Variants in LIPF observed in about 807,000 individuals in gnomAD.
The protein encoded by LIPF is lipase F, gastric type.
Under a neutral mutation model 38.0 loss-of-function variants are expected in LIPF, and 25 were observed. That is an observed-to-expected ratio of 0.66 (90% CI 0.48 to 0.92). The LOEUF is 0.92. Among genes scored for constraint, LIPF ranks in the 40% least tolerant of loss-of-function variants. LIPF has a pLI of 0.00. For missense variants in LIPF, 410 were observed against 469.9 expected (o/e 0.87, Z 1.18); for synonymous variants, 161 against 156.2 (o/e 1.03, Z -0.23).
chr10:88,676,819 T>G (rs988682961), intron 9 of LIPF, among the ~76,000 whole-genome samples: 1 of 152,236 alleles, frequency 6.6e-6, no homozygotes. Context: ...TCACACTTGC[T>G]GTAATAAGAA....
At position 88,671,911 on chromosome 10, in the gene LIPF, G is replaced by A. The variant is rs1841603316; in HGVS notation, c.615G>A (p.Lys205=). Residue 205 remains lysine (K), a synonymous_variant, in exon 6 of 10, where the codon AAG becomes AAA. Transcript: ENST00000238983. ...FYALAPVATV[K]YTKSLINKLR... ...CTCTAGCTCCTGTTGCCACTGTGAAGTATACAAAAAGCCTTATAAACAAAC... is the reference window on the plus strand; with the variant it reads ...CTCTAGCTCCTGTTGCCACTGTGAAATATACAAAAAGCCTTATAAACAAAC... The A allele has an allele frequency of 6.2e-7, 1 of 1,613,494 alleles. No homozygotes were observed. Among genetic ancestry groups the A allele is most frequent in the Non-Finnish European group, 8.5e-7 (1 of 1,179,618 alleles).
In LIPF at chr10:88,669,900, A is replaced by G. The variant is rs985737847; in HGVS notation, c.486A>G (p.Gly162=). 3.7e-6 allele frequency: 6 copies of G among 1,613,492 alleles called. No homozygotes were observed. In the African/African-American group the frequency reaches 8.0e-5, roughly 22 times the overall value. The change falls in exon 5 of 10, where the codon GGA becomes GGG. Residue 162 remains glycine, a synonymous_variant. Coordinates refer to ENST00000238983, the MANE Select transcript of LIPF (RefSeq NM_004190.4). ...TCGACTTCATTGTAAAGAAAACTGG[A>G]CAGAAGCAGCTACACTATGTTGGCC... The part of the protein sequence containing the change: ...ATIDFIVKKT[G]QKQLHYVGHS...
Position 88,672,625 on chromosome 10 carries a change from AACACACAC to A in LIPF, c.669+699_669+706del, listed in dbSNP as rs71471111. 6.1e-3 allele frequency among the ~76,000 whole-genome samples: 796 copies of A among 130,926 alleles called. 5 individuals are homozygous for A. The highest frequency in any genetic ancestry group is 0.01 in the African/African-American group (357 of 34,538). The allele number at this position is 130,926 out of a possible 152,430, so 85.9% of individuals were successfully genotyped here. On this transcript the variant is annotated intron_variant, in intron 6 of 9. Transcript: ENST00000238983. Reference sequence around the variant, plus strand: ...CCTAATTCTCTCACCCAGTAAAACCAACACACACACACACACACACACACACACACACA... The same window carrying A: ...CCTAATTCTCTCACCCAGTAAAACCAACACACACACACACACACACACACA...
Position 88,675,668 on chromosome 10 carries a change from C to T in LIPF, c.888+11C>T. ...TTCCATTGGACCCAGGTATTCTTTTCCAAATGCTGTTAAAATGTATTTTGT... is the reference window on the plus strand; with the variant it reads ...TTCCATTGGACCCAGGTATTCTTTTTCAAATGCTGTTAAAATGTATTTTGT... On this transcript the variant is annotated intron_variant, in intron 8 of 9. Coordinates refer to ENST00000238983, the MANE Select transcript of LIPF (RefSeq NM_004190.4). The T allele has an allele frequency of 6.6e-7, 1 of 1,516,092 alleles. No individual in the cohort carries two copies. Among genetic ancestry groups the T allele is most frequent in the Non-Finnish European group, 9.0e-7 (1 of 1,110,646 alleles). The allele number at this position is 1,516,092 out of a possible 1,614,324, so 93.9% of individuals were successfully genotyped here.
At chr10:88,670,095 A>T in intron 5 of LIPF, 149 bp downstream of exon 5, 1 of 633,446 alleles carries the variant, frequency 1.6e-6, no homozygotes, top group East Asian at 2.6e-5. Flanking sequence ...TATAATTCCT[A>T]TTATATGGGA....
chr10:88,676,226 A>G lies in LIPF; in HGVS notation c.906A>G (p.Lys302=). ...FHWTQAVKSG[K]FQAYDWGSPV... The stretch of plus-strand genomic sequence containing the variant: ...TATGTTAGGCTGTTAAGTCTGGGAA[A>G]TTCCAAGCTTATGACTGGGGAAGCC... Residue 302 remains lysine, a synonymous_variant, in exon 9 of 10, where the codon AAA becomes AAG. Coordinates refer to ENST00000238983, the MANE Select transcript of LIPF (RefSeq NM_004190.4). The G allele has an allele frequency of 1.2e-6, 2 of 1,606,858 alleles. No individual in the cohort carries two copies. The highest frequency in any genetic ancestry group is 1.7e-6 in the Non-Finnish European group (2 of 1,174,942).
chr10:88,675,755 G>A, intron 8 of LIPF, 98 bp downstream of exon 8: 3 of 745,168 alleles, frequency 4.0e-6, no homozygotes, highest in South Asian at 2.2e-5. Context: ...GAGTACACCT[G>A]GAAGGTAATT....
chr10:88,667,989 A>T (rs1452093229), intron 3 of LIPF, among the ~76,000 whole-genome samples: 2 of 152,200 alleles, frequency 1.3e-5, no homozygotes, highest in East Asian at 1.9e-4. Flanking sequence ...TGAAGGTTTT[A>T]ATAAAATTAC....
intron 3 of LIPF, among the ~76,000 whole-genome samples, chr10:88,668,163 T>C (rs1464445708): frequency 1.3e-5 from 2 of 152,070 alleles, no homozygotes; most frequent in South Asian, 2.1e-4. Flanking sequence ...TTTTCACTAG[T>C]ACTATTAAAA....
chr10:88,673,652 T>A lies in LIPF; in HGVS notation c.734T>A (p.Val245Glu). The A allele has an allele frequency of 6.2e-7, 1 of 1,612,006 alleles. No homozygotes were observed. Reference protein sequence around the residue: ...NFFDQFLATEVCSREMLNLLC... With the variant: ...NFFDQFLATEECSREMLNLLC... ...TTTGATCAATTTCTTGCTACTGAAG[T>A]GTGCTCCCGTGAGATGCTGAATCTC... The change falls in exon 7 of 10, where the codon GTG (valine) becomes GAG (glutamate). Residue 245 changes from valine (V) to glutamate (E), a missense_variant. Val to Glu is a moderately radical substitution (Grantham distance 121). Transcript: ENST00000238983.
chr10:88,666,166 G>C (rs1841510027), intron 1 of LIPF, among the ~76,000 whole-genome samples: 1 of 152,176 alleles, frequency 6.6e-6, no homozygotes, highest in Non-Finnish European at 1.5e-5. Context: ...CAGGAACTAT[G>C]CTATGTGCTC....
At chr10:88,674,731 T>G (rs1160068486) in intron 7 of LIPF, among the ~76,000 whole-genome samples, 1 of 152,192 alleles carries the variant, frequency 6.6e-6, no homozygotes, top group Non-Finnish European at 1.5e-5. Context: ...TAATAGCATA[T>G]AAGGTTTTCT....
chr10:88,675,676 T>C lies in LIPF; in HGVS notation c.888+19T>C, dbSNP rs1159089843. The C allele has an allele frequency of 2.6e-6, 4 of 1,565,788 alleles. No individual in the cohort carries two copies. Among genetic ancestry groups the C allele is most frequent in the South Asian group, 1.1e-5 (1 of 90,060 alleles). On this transcript the variant is annotated intron_variant, in intron 8 of 9. Coordinates refer to ENST00000238983, the MANE Select transcript of LIPF (RefSeq NM_004190.4). ...GACCCAGGTATTCTTTTCCAAATGC[T>C]GTTAAAATGTATTTTGTGAGTCTCA...
chr10:88,672,955 G>A lies in LIPF; in HGVS notation c.670-633G>A, dbSNP rs534394760. On this transcript the variant is annotated intron_variant, in intron 6 of 9. Transcript: ENST00000238983. ...AGATTTTCTGATAGGCAATGCAGACGTAGATTAAAATTTAGAAAAGCAATA... is the reference window on the plus strand; with the variant it reads ...AGATTTTCTGATAGGCAATGCAGACATAGATTAAAATTTAGAAAAGCAATA... Among the ~76,000 whole-genome samples, 5 of 152,264 alleles carry A rather than the reference G, an allele frequency of 3.3e-5. No homozygotes were observed. The East Asian group carries it at 5.8e-4, about 18-fold the overall frequency.
At chr10:88,665,382 T>C (rs1841495571) in intron 1 of LIPF, 1 of 619,508 alleles carries the variant, frequency 1.6e-6, no homozygotes, top group Non-Finnish European at 3.0e-6. Context: ...GAGAACACTG[T>C]CTTAGCAAGA....
rs1841525861 is a variant in LIPF at position 88,667,313 on chromosome 10, A to T, written c.16A>T (p.Thr6Ser). The change falls in exon 2 of 10, where the codon ACA becomes TCA. Residue 6 changes from threonine (T) to serine (S), a missense_variant. By Grantham distance (58) the Thr-to-Ser change is moderately conservative. Transcript: ENST00000238983. Reference sequence around the variant, plus strand: ...CAGGTCCAAAATGTGGCTGCTTTTAACAATGGCAAGTTTGATATCTGTACT... The same window carrying T: ...CAGGTCCAAAATGTGGCTGCTTTTATCAATGGCAAGTTTGATATCTGTACT... The part of the protein sequence containing the change: MWLLL[T>S]MASLISVLGT... The T allele has an allele frequency of 1.9e-6, 3 of 1,612,070 alleles. No individual in the cohort carries two copies. In the Admixed American group the frequency reaches 5.0e-5, roughly 27 times the overall value.
rs68081693 is a variant in LIPF, at chr10:88,665,737, A to ATTTTTTTTTTTTTTTTTTT, written c.-12+1252_-12+1270dup. 2.0e-4 allele frequency among the ~76,000 whole-genome samples: 20 copies of ATTTTTTTTTTTTTTTTTTT among 100,242 alleles called. 1 individual carries two copies. The highest frequency in any genetic ancestry group is 2.2e-4 in the African/African-American group (6 of 27,130). 65.8% of individuals were successfully genotyped at this position (100,242 alleles called of 152,430 possible). Reference sequence around the variant, plus strand: ...AAAAACAAGGCTTAGTTAAAAACTGATTTTTTTTTTTTTTTTTTTTTTTTG... The same window carrying ATTTTTTTTTTTTTTTTTTT: ...AAAAACAAGGCTTAGTTAAAAACTGATTTTTTTTTTTTTTTTTTTTTTTTTTTTTTTTTTTTTTTTTTTG... On this transcript the variant is annotated intron_variant, in intron 1 of 9. Coordinates refer to ENST00000238983, the MANE Select transcript of LIPF (RefSeq NM_004190.4).
intron 1 of LIPF, among the ~76,000 whole-genome samples, chr10:88,666,323 C>T (rs1003255412): frequency 2.0e-5 from 3 of 152,090 alleles, no homozygotes; most frequent in African/African-American, 7.2e-5. Context: ...CATATGATCT[C>T]GAAGTATTGC....
intron 6 of LIPF, among the ~76,000 whole-genome samples, chr10:88,672,689 CTCTT>C (rs1251206795): frequency 4.7e-5 from 7 of 150,264 alleles, no homozygotes; most frequent in South Asian, 2.1e-4. Flanking sequence ...CTCTCTCTCT[CTCTT>C]TCCTTTAGGG....
Sources: allele counts gnomAD v4.1 joint callset (sites outside exome capture counted in the v4.1 genomes callset), GRCh38; gene constraint gnomAD v4.1.1; transcripts MANE v1.5; gene names NCBI Gene and HGNC (gene_info 2026-07-23, HGNC 2026-07-21).